Variants in SH3PXD2A observed in about 807,000 individuals in gnomAD.
SH3PXD2A encodes SH3 and PX domain-containing protein 2A.
A neutral mutation model predicts 115.2 loss-of-function variants in SH3PXD2A; 32 were observed. The ratio of observed to expected loss-of-function variants is 0.28; its 90% CI spans 0.21 to 0.37. The LOEUF (loss-of-function observed/expected upper bound fraction) is 0.37. SH3PXD2A is among the 10% of genes least tolerant of loss of function. SH3PXD2A has a pLI of 1.00. For synonymous variants in SH3PXD2A, 610 were observed against 629.1 expected (o/e 0.97, Z 0.45); for missense variants, 1,328 against 1,498.7 (o/e 0.89, Z 1.88).
At chr10:103,689,082 C>G (rs1226198100) in intron 6 of SH3PXD2A, among the ~76,000 whole-genome samples, 1 of 152,078 alleles carries the variant, frequency 6.6e-6, no homozygotes, top group African/African-American at 2.4e-5. Context: ...CTTTGTTGCC[C>G]AGGCTGGTCT....
chr10:103,683,527 G>C (rs2037638362), intron 6 of SH3PXD2A, among the ~76,000 whole-genome samples: 1 of 152,156 alleles, frequency 6.6e-6, no homozygotes. Flanking sequence ...AGCCAGGCAT[G>C]GTGGCACACC....
At position 103,665,363 on chromosome 10, in the gene SH3PXD2A, C is replaced by T. The variant is rs2037370889; in HGVS notation, c.472+3245G>A. On this transcript the variant is annotated intron_variant, in intron 7 of 14. Transcript: ENST00000369774. The surrounding 1 kb of genome is among the most constrained non-coding windows in gnomAD (Gnocchi z 4.0). Reference sequence around the variant, plus strand: ...GCAGAGTTAAATCCACACCCCCACACCCCTTCCCCCCACCACTTTCCTGGA... The same window carrying T: ...GCAGAGTTAAATCCACACCCCCACATCCCTTCCCCCCACCACTTTCCTGGA... 6.6e-6 allele frequency among the ~76,000 whole-genome samples: 1 copy of T among 152,142 alleles called. No individual in the cohort carries two copies. Among genetic ancestry groups the T allele is most frequent in the African/African-American group, 2.4e-5 (1 of 41,428 alleles).
At chr10:103,692,558 C>G (rs1246105663) in intron 6 of SH3PXD2A, among the ~76,000 whole-genome samples, 1 of 152,240 alleles carries the variant, frequency 6.6e-6, no homozygotes, top group African/African-American at 2.4e-5. Context: ...CCTTTTCAGT[C>G]CCGGTTCTCA....
At chr10:103,821,556 T>C (rs1305934216) in intron 1 of SH3PXD2A, among the ~76,000 whole-genome samples, 4 of 151,958 alleles carry the variant, frequency 2.6e-5, no homozygotes, top group Admixed American at 2.6e-4. Flanking sequence ...TCTGTTGTTC[T>C]TGTTATTATT....
At chr10:103,638,958 G>C (rs2036908051) in intron 8 of SH3PXD2A, among the ~76,000 whole-genome samples, 1 of 152,186 alleles carries the variant, frequency 6.6e-6, no homozygotes, top group African/African-American at 2.4e-5. Flanking sequence ...AAACATGTGG[G>C]TCTGATTCTG....
chr10:103,852,844 T>C (rs1419469206), intron 1 of SH3PXD2A, among the ~76,000 whole-genome samples: 1 of 152,122 alleles, frequency 6.6e-6, no homozygotes, highest in Non-Finnish European at 1.5e-5. Flanking sequence ...CAGTTATTTG[T>C]CCTCTTAGCC....
intron 5 of SH3PXD2A, among the ~76,000 whole-genome samples, chr10:103,719,494 C>T (rs2038151720): frequency 6.6e-6 from 1 of 152,192 alleles, no homozygotes; most frequent in Non-Finnish European, 1.5e-5. Context: ...TGACAACAAT[C>T]ATTCATCCAA....
intron 3 of SH3PXD2A, 71 bp downstream of exon 3, chr10:103,767,023 T>C (rs1178208193): frequency 8.5e-7 from 1 of 1,172,190 alleles, no homozygotes; most frequent in African/African-American, 1.5e-5. Flanking sequence ...TTAGTACTCT[T>C]CTCGGCCTAA....
chr10:103,703,048 A>G (rs1178445350), intron 5 of SH3PXD2A, among the ~76,000 whole-genome samples: 1 of 152,182 alleles, frequency 6.6e-6, no homozygotes, highest in Non-Finnish European at 1.5e-5. Context: ...GCCCTGGCCT[A>G]GTTTCGACCT....
intron 3 of SH3PXD2A, among the ~76,000 whole-genome samples, chr10:103,761,969 G>C (rs1392145450): frequency 6.6e-6 from 1 of 150,912 alleles, no homozygotes; most frequent in Non-Finnish European, 1.5e-5. Context: ...GGTATGCAGA[G>C]TGGCTAGGAT....
intron 2 of SH3PXD2A, among the ~76,000 whole-genome samples, chr10:103,786,223 C>G (rs1400732642): frequency 1.3e-5 from 2 of 152,234 alleles, no homozygotes; most frequent in Non-Finnish European, 2.9e-5. Flanking sequence ...GCTGGCTCTG[C>G]AGCACATCAA....
rs545062861 is a variant in SH3PXD2A, at chr10:103,758,297, C to T, written c.229+8797G>A. ...AAGGTTACTGTTCTTGCTGTCCCCCCAAGCCTGGCACCCCTGGGCCCTGAT... is the reference window on the plus strand; with the variant it reads ...AAGGTTACTGTTCTTGCTGTCCCCCTAAGCCTGGCACCCCTGGGCCCTGAT... On this transcript the variant is annotated intron_variant, in intron 3 of 14. Coordinates refer to ENST00000369774, the MANE Select transcript of SH3PXD2A (RefSeq NM_001394015.1). Among the ~76,000 whole-genome samples, 33 of 152,316 alleles carry T rather than the reference C, an allele frequency of 2.2e-4. No individual in the cohort carries two copies. The South Asian group carries it at 3.5e-3, about 16-fold the overall frequency.
chr10:103,797,986 G>A (rs2039109252), intron 2 of SH3PXD2A, among the ~76,000 whole-genome samples: 1 of 152,156 alleles, frequency 6.6e-6, no homozygotes, highest in Non-Finnish European at 1.5e-5. Flanking sequence ...CATGACCAGA[G>A]AGGGTCAGCG....
At chr10:103,634,643 G>A (rs1305729511) in intron 8 of SH3PXD2A, among the ~76,000 whole-genome samples, 1 of 152,156 alleles carries the variant, frequency 6.6e-6, no homozygotes, top group Admixed American at 6.5e-5. Flanking sequence ...CTTGAGAATG[G>A]ACACATCTCT....
At chr10:103,697,850 G>A (rs1564866764) in intron 5 of SH3PXD2A, among the ~76,000 whole-genome samples, 1 of 152,164 alleles carries the variant, frequency 6.6e-6, no homozygotes, top group African/African-American at 2.4e-5. Flanking sequence ...CAATTCACAT[G>A]TGTTGTTCCC....
rs777092853 is a variant in SH3PXD2A, at chr10:103,603,572, C to T, written c.1646G>A (p.Arg549Gln). The T allele has an allele frequency of 2.4e-5, 39 of 1,610,964 alleles. No individual in the cohort carries two copies. Among genetic ancestry groups the T allele is most frequent in the African/African-American group, 4.0e-5 (3 of 74,984 alleles). ...CTCAGGCTCCTCATACTTGAGCTTC[C>T]GCGGGGAGTCCTGGCTCTCACTGGC... is the stretch of plus-strand genomic sequence containing the variant. ...TGASESQDSPRKLKYEEPEYD... is the reference protein window; with the variant it reads ...TGASESQDSPQKLKYEEPEYD... Residue 549 changes from arginine (R) to glutamine (Q), a missense_variant, in exon 15 of 15, where the codon CGG becomes CAG. By Grantham distance (43) the Arg-to-Gln change is conservative. This residue lies in a region of SH3PXD2A where 509 missense variants were observed against 628.3 expected (regional missense o/e 0.81). Transcript: ENST00000369774.
At chr10:103,657,655 T>A (rs1273448033) in intron 8 of SH3PXD2A, among the ~76,000 whole-genome samples, 1 of 152,212 alleles carries the variant, frequency 6.6e-6, no homozygotes, top group Non-Finnish European at 1.5e-5. Context: ...GCTATTCAAG[T>A]CTCACTTTGG....
chr10:103,797,958 T>A (rs892547567), intron 2 of SH3PXD2A, among the ~76,000 whole-genome samples: 1 of 152,060 alleles, frequency 6.6e-6, no homozygotes, highest in African/African-American at 2.4e-5. Flanking sequence ...TGAAACTGGA[T>A]CTGTATGGCC....
At chr10:103,740,543 C>A (rs2038433259) in intron 3 of SH3PXD2A, among the ~76,000 whole-genome samples, 1 of 152,172 alleles carries the variant, frequency 6.6e-6, no homozygotes, top group African/African-American at 2.4e-5. Context: ...GGCCAGGGTC[C>A]CCACACCAGC....
Sources: allele counts gnomAD v4.1 joint callset (sites outside exome capture counted in the v4.1 genomes callset), GRCh38; gene constraint gnomAD v4.1.1; regional missense constraint gnomAD v4.1.1; non-coding constraint Gnocchi (gnomAD v3.1); transcripts MANE v1.5; gene names NCBI Gene and HGNC (gene_info 2026-07-23, HGNC 2026-07-21).